Variants in TBC1D32 observed in about 807,000 individuals in gnomAD.
TBC1D32 encodes the protein protein broad-minded.
In TBC1D32, 151 loss-of-function variants were observed where a neutral mutation model predicts 170.3. That is an observed-to-expected ratio of 0.89 (90% CI 0.78 to 1.01). The LOEUF (loss-of-function observed/expected upper bound fraction) is 1.01, where lower values mean the gene tolerates loss of function less well. Among genes scored for constraint, TBC1D32 ranks in the 50% least tolerant of loss-of-function variants. The pLI, the probability that TBC1D32 is intolerant of heterozygous loss-of-function variation, is 0.00. For synonymous variants in TBC1D32, 498 were observed against 488.0 expected (o/e 1.02, Z -0.27); for missense variants, 1,464 against 1,457.1 (o/e 1.00, Z -0.08).
Position 121,091,058 on chromosome 6 carries a change from T to G in TBC1D32, c.3466-17A>C, listed in dbSNP as rs772313204. On this transcript the variant is annotated splice_polypyrimidine_tract_variant and intron_variant, in intron 30 of 31. Coordinates refer to ENST00000398212, the MANE Select transcript of TBC1D32 (RefSeq NM_152730.6). The stretch of plus-strand genomic sequence containing the variant: ...CAGGCAAATCTTTAAAAAAAAAAAG[T>G]AGTAAGTTCATTAAAAAATTTATAA... 2 of 1,397,616 alleles carry G rather than the reference T, an allele frequency of 1.4e-6. No homozygotes were observed. The highest frequency in any genetic ancestry group is 1.6e-5 in the African/African-American group (1 of 61,542). The allele number at this position is 1,397,616 out of a possible 1,614,324, so 86.6% of individuals were successfully genotyped here. A position where few individuals can be genotyped will look rare whatever the true frequency, so the allele number is the denominator to read the frequency against.
chr6:121,185,486 G>T (rs180833209), intron 22 of TBC1D32, among the ~76,000 whole-genome samples: 1 of 152,156 alleles, frequency 6.6e-6, no homozygotes, highest in African/African-American at 2.4e-5. Flanking sequence ...AATTTGTATA[G>T]GAAATATCTG....
chr6:121,320,847 G>C (rs142764955), intron 2 of TBC1D32, among the ~76,000 whole-genome samples: 3 of 151,962 alleles, frequency 2.0e-5, no homozygotes, highest in Admixed American at 2.0e-4. Context: ...ATATTCAAAC[G>C]TTTCCGATAC....
chr6:121,115,225 C>T lies in TBC1D32; in HGVS notation c.3000G>A (p.Val1000=), dbSNP rs765369297. The change falls in exon 27 of 32, where the codon GTG becomes GTA. Residue 1000 remains valine (V), a synonymous_variant. Coordinates refer to ENST00000398212, the MANE Select transcript of TBC1D32 (RefSeq NM_152730.6). ...SVEYTATDAN[V]KNESLSSVQQ... is the part of the protein sequence containing the mutation. ...GCACAGATGAAAGACTTTCATTCTT[C>T]ACATTTGCATCAGTAGCTAAAGACA... The T allele has an allele frequency of 6.3e-7, 1 of 1,599,330 alleles. No homozygotes were observed. Among genetic ancestry groups the T allele is most frequent in the African/African-American group, 1.3e-5 (1 of 74,670 alleles).
At chr6:121,239,266 CT>C (rs1796669524) in intron 19 of TBC1D32, 78 bp from the exon 20 acceptor site, 3 of 791,786 alleles carry the variant, frequency 3.8e-6, no homozygotes, top group Non-Finnish European at 6.3e-6. Flanking sequence ...GATGATCCCT[CT>C]GATGAATCTG....
At chr6:121,148,447 C>T (rs558423732) in intron 24 of TBC1D32, among the ~76,000 whole-genome samples, 6 of 152,210 alleles carry the variant, frequency 3.9e-5, no homozygotes, top group African/African-American at 1.2e-4. Flanking sequence ...AATAAACATA[C>T]GTGTGCATGT....
At chr6:121,086,412 G>T (rs1391358672) in intron 31 of TBC1D32, among the ~76,000 whole-genome samples, 1 of 151,978 alleles carries the variant, frequency 6.6e-6, no homozygotes, top group African/African-American at 2.4e-5. Context: ...ATGGTGAACT[G>T]TTTTAAATAT....
At chr6:121,113,473 T>C (rs1208535951) in intron 27 of TBC1D32, among the ~76,000 whole-genome samples, 3 of 152,180 alleles carry the variant, frequency 2.0e-5, no homozygotes, top group African/African-American at 4.8e-5. Flanking sequence ...GTTGACAGGT[T>C]AGTTTTACAA....
rs1013084258 is a variant in TBC1D32 at position 121,161,729 on chromosome 6, T to C, written c.2571-673A>G. On this transcript the variant is annotated intron_variant, in intron 22 of 31. Transcript: ENST00000398212. ...AATGGGATTGCTGGGTCAAATGCTATTTCTGTCTTCAGGTCTTTGAGGAAT... is the reference window on the plus strand; with the variant it reads ...AATGGGATTGCTGGGTCAAATGCTACTTCTGTCTTCAGGTCTTTGAGGAAT... Among the ~76,000 whole-genome samples, 18 of 152,352 alleles carry C rather than the reference T, an allele frequency of 1.2e-4. No homozygotes were observed. The East Asian group carries it at 3.3e-3, about 28-fold the overall frequency.
chr6:121,216,180 G>T (rs924637884), intron 21 of TBC1D32, among the ~76,000 whole-genome samples: 1 of 152,150 alleles, frequency 6.6e-6, no homozygotes, highest in African/African-American at 2.4e-5. Flanking sequence ...CAAATATAAA[G>T]CAGGCAGAAA....
In TBC1D32 at chr6:121,317,149, C is replaced by T. The variant is rs189824304; in HGVS notation, c.495+346G>A. On this transcript the variant is annotated intron_variant, in intron 3 of 31. Transcript: ENST00000398212. ...ATAAGGGAAATGTTTTATTGTCACA[C>T]CTCATCTCTATTTTAGTTAAATTTT... 8.5e-5 allele frequency among the ~76,000 whole-genome samples: 13 copies of T among 152,096 alleles called. No individual in the cohort carries two copies. In the East Asian group the frequency reaches 2.3e-3, roughly 27 times the overall value.
intron 20 of TBC1D32, among the ~76,000 whole-genome samples, chr6:121,237,994 T>C (rs943577006): frequency 6.6e-6 from 1 of 152,122 alleles, no homozygotes; most frequent in Non-Finnish European, 1.5e-5. Context: ...AGCAGTTACA[T>C]TGGCCAGATT....
chr6:121,319,780 G>A (rs1222407500), intron 2 of TBC1D32, among the ~76,000 whole-genome samples: 1 of 152,016 alleles, frequency 6.6e-6, no homozygotes, highest in Non-Finnish European at 1.5e-5. Flanking sequence ...ATTCTACAAT[G>A]TAAATTTAAA....
intron 30 of TBC1D32, 23 bp from the exon 31 acceptor site, chr6:121,091,064 G>T: frequency 6.5e-7 from 1 of 1,544,756 alleles, no homozygotes; most frequent in Non-Finnish European, 8.7e-7. Context: ...AAAGTAGTAA[G>T]TTCATTAAAA....
intron 2 of TBC1D32, among the ~76,000 whole-genome samples, chr6:121,320,219 A>G (rs952179429): frequency 7.9e-5 from 12 of 151,354 alleles, no homozygotes; most frequent in African/African-American, 2.7e-4. Context: ...AGAAAAAGAA[A>G]AAAAAAACTG....
intron 15 of TBC1D32, among the ~76,000 whole-genome samples, chr6:121,276,045 G>A (rs529829932): frequency 6.6e-6 from 1 of 151,264 alleles, no homozygotes; most frequent in South Asian, 2.1e-4. Flanking sequence ...ACTTGAGCCT[G>A]GGAGGCAGAC....
At chr6:121,113,354 T>C (rs1399001722) in intron 27 of TBC1D32, among the ~76,000 whole-genome samples, 177 bp from the exon 28 acceptor site, 1 of 152,198 alleles carries the variant, frequency 6.6e-6, no homozygotes, top group Non-Finnish European at 1.5e-5. Flanking sequence ...CAAATACTGA[T>C]AACTTTAAAG....
At chr6:121,299,799 A>C (rs1806192207) in intron 9 of TBC1D32, among the ~76,000 whole-genome samples, 1 of 152,210 alleles carries the variant, frequency 6.6e-6, no homozygotes, top group Non-Finnish European at 1.5e-5. Flanking sequence ...CCACCACCAA[A>C]AAAGTATACC....
At chr6:121,097,911 T>C (rs1479523835) in intron 30 of TBC1D32, among the ~76,000 whole-genome samples, 1 of 152,048 alleles carries the variant, frequency 6.6e-6, no homozygotes, top group Non-Finnish European at 1.5e-5. Context: ...TGGATGAAGC[T>C]GGAAACCATC....
chr6:121,084,090 G>T (rs1775939930), intron 31 of TBC1D32, among the ~76,000 whole-genome samples: 2 of 152,112 alleles, frequency 1.3e-5, no homozygotes, highest in Admixed American at 1.3e-4. Context: ...CATTCAGGTA[G>T]CTGTTTACCC....
Sources: gnomAD v4.1 joint callset for allele counts (sites outside exome capture counted in the v4.1 genomes callset) on GRCh38, gnomAD v4.1.1 for gene constraint, MANE v1.5 for transcripts, NCBI Gene and HGNC (gene_info 2026-07-23, HGNC 2026-07-21) for gene names.